Variants in PSD3 observed in about 807,000 individuals in gnomAD.
The protein encoded by PSD3 is pleckstrin and Sec7 domain containing 3, also known as PH and SEC7 domain-containing protein 3.
PSD3 carries 49 observed loss-of-function variants against 105.5 expected under a neutral mutation model. The ratio of observed to expected loss-of-function variants is 0.46; its 90% CI spans 0.37 to 0.59. PSD3 has a LOEUF of 0.59. Ranked by LOEUF, PSD3 falls within the 20% of genes least tolerant of loss-of-function variation. The pLI, the probability that PSD3 is intolerant of heterozygous loss-of-function variation, is 0.00. For synonymous variants in PSD3, 557 were observed against 457.8 expected (o/e 1.22, Z -2.77); for missense variants, 1,561 against 1,263.8 (o/e 1.24, Z -3.57).
chr8:18,578,278 C>T (rs1325334398), intron 12 of PSD3, among the ~76,000 whole-genome samples: 4 of 152,046 alleles, frequency 2.6e-5, no homozygotes, highest in Non-Finnish European at 4.4e-5. Context: ...CTTATGTAAC[C>T]ATTCACTTGG....
chr8:19,062,172 A>C (rs1828923360), intron 1 of PSD3, among the ~76,000 whole-genome samples: 1 of 152,192 alleles, frequency 6.6e-6, no homozygotes, highest in South Asian at 2.1e-4. Flanking sequence ...ATGTATTCCT[A>C]CCAATAAGCA....
intron 9 of PSD3, among the ~76,000 whole-genome samples, chr8:18,752,133 A>C (rs1563224442): frequency 6.6e-6 from 1 of 151,924 alleles, no homozygotes; most frequent in African/African-American, 2.4e-5. Context: ...GGTTGCAGTG[A>C]GCAACCATCT....
chr8:19,025,190 C>A (rs889979013), intron 1 of PSD3, among the ~76,000 whole-genome samples: 4 of 151,892 alleles, frequency 2.6e-5, no homozygotes, highest in African/African-American at 9.7e-5. Flanking sequence ...ATTACACACT[C>A]ATTAACACCC....
chr8:18,946,794 A>T (rs991048061), intron 1 of PSD3, among the ~76,000 whole-genome samples: 1 of 151,358 alleles, frequency 6.6e-6, no homozygotes, highest in African/African-American at 2.4e-5. Context: ...AATCCCAGAT[A>T]CTTGGGAGGT....
At chr8:18,984,365 C>T (rs977861895) in intron 1 of PSD3, among the ~76,000 whole-genome samples, 1 of 152,028 alleles carries the variant, frequency 6.6e-6, no homozygotes, top group Non-Finnish European at 1.5e-5. Context: ...ATGATCCTAA[C>T]ATAATGTCTT....
chr8:19,050,783 A>T (rs1828501910), intron 1 of PSD3, among the ~76,000 whole-genome samples: 2 of 152,116 alleles, frequency 1.3e-5, no homozygotes, highest in African/African-American at 4.8e-5. Context: ...ACATGTATAC[A>T]TATGTAACTA....
At chr8:19,000,368 GC>G (rs1232163474) in intron 1 of PSD3, among the ~76,000 whole-genome samples, 4 of 146,998 alleles carry the variant, frequency 2.7e-5, no homozygotes, top group Non-Finnish European at 6.0e-5. Flanking sequence ...CTGCATTCCG[GC>G]CTTGCTGACA....
At chr8:18,641,832 G>C (rs17518631) in intron 10 of PSD3, among the ~76,000 whole-genome samples, 4,228 of 152,186 alleles carry the variant, frequency 0.028, 76 homozygotes, top group Non-Finnish European at 0.044. Flanking sequence ...AGTTATCATG[G>C]GGTTTCTATT....
At chr8:18,588,790 C>G (rs1386789478) in intron 12 of PSD3, among the ~76,000 whole-genome samples, 1 of 152,184 alleles carries the variant, frequency 6.6e-6, no homozygotes, top group Non-Finnish European at 1.5e-5. Context: ...CTCAAACTCC[C>G]AATACATTTA....
At chr8:18,558,330 G>T (rs1451401818) in intron 14 of PSD3, among the ~76,000 whole-genome samples, 1 of 152,036 alleles carries the variant, frequency 6.6e-6, no homozygotes, top group East Asian at 1.9e-4. Flanking sequence ...ATAAAAGCAT[G>T]ATGTATTTTC....
chr8:18,799,260 T>A (rs1810471632), intron 8 of PSD3, 35 bp downstream of exon 8: 2 of 1,538,076 alleles, frequency 1.3e-6, no homozygotes, highest in African/African-American at 1.4e-5. Context: ...AAGCCCGACA[T>A]GTTTTGGATC....
intron 10 of PSD3, among the ~76,000 whole-genome samples, chr8:18,644,707 C>T (rs1428635352): frequency 1.3e-5 from 2 of 152,176 alleles, no homozygotes; most frequent in African/African-American, 4.8e-5. Context: ...TCATAACTGT[C>T]CCAGCTTCTG....
intron 9 of PSD3, among the ~76,000 whole-genome samples, chr8:18,730,719 T>C (rs987179841): frequency 7.2e-5 from 11 of 152,324 alleles, no homozygotes; most frequent in African/African-American, 2.2e-4. Context: ...AACAACCAAA[T>C]AGATCTCCAA....
Position 18,871,933 on chromosome 8 carries a change from C to T in PSD3, c.931G>A (p.Gly311Arg), listed in dbSNP as rs1324826385. 2.7e-5 allele frequency: 43 copies of T among 1,614,096 alleles called. No homozygotes were observed. Among genetic ancestry groups the T allele is most frequent in the Non-Finnish European group, 3.4e-5 (40 of 1,180,036 alleles). ...FQGVEILWTGGDKRETQHPID... is the reference protein window; with the variant it reads ...FQGVEILWTGRDKRETQHPID... ...GGATGCTGGGTCTCTCTCTTGTCTC[C>T]TCCTGTCCACAGTATTTCCACTCCT... Residue 311 changes from glycine (G) to arginine (R), a missense_variant, in exon 3 of 16, where the codon GGA becomes AGA. By Grantham distance (125) the Gly-to-Arg change is moderately radical. Coordinates refer to ENST00000327040, the MANE Select transcript of PSD3 (RefSeq NM_015310.4).
Position 18,825,523 on chromosome 8 carries a change from T to C in PSD3, c.1635-20625A>G, listed in dbSNP as rs1813103305. On this transcript the variant is annotated intron_variant, in intron 4 of 15. Transcript: ENST00000327040. ...TTAGAGGATAAATAATAATTAGGGA[T>C]ATGAGTGTTGAGGGGAAGAGAATCC... is the stretch of plus-strand genomic sequence containing the variant. Among the ~76,000 whole-genome samples, 2 of 152,206 alleles carry C rather than the reference T, an allele frequency of 1.3e-5. 1 individual carries two copies. Among genetic ancestry groups the C allele is most frequent in the Admixed American group, 1.3e-4 (2 of 15,278 alleles).
At chr8:18,578,575 G>A (rs552238931) in intron 12 of PSD3, among the ~76,000 whole-genome samples, 4 of 152,142 alleles carry the variant, frequency 2.6e-5, no homozygotes, top group South Asian at 4.1e-4. Flanking sequence ...TGCTACAGGT[G>A]AATAGGAAAC....
At chr8:18,585,509 G>A (rs1803112237) in intron 12 of PSD3, among the ~76,000 whole-genome samples, 1 of 151,914 alleles carries the variant, frequency 6.6e-6, no homozygotes. Context: ...GTAGAGATGG[G>A]GTTTTGACAT....
At chr8:18,673,187 AACACACACACCCATCC>A (rs1383630164) in intron 9 of PSD3, among the ~76,000 whole-genome samples, 1 of 150,590 alleles carries the variant, frequency 6.6e-6, no homozygotes, top group Non-Finnish European at 1.5e-5. Flanking sequence ...TGGTTCTCTT[AACACACACACCCATCC>A]ACACACACAC....
chr8:18,552,804 CT>C (rs1261350158), intron 15 of PSD3, among the ~76,000 whole-genome samples: 3 of 152,316 alleles, frequency 2.0e-5, no homozygotes, highest in Admixed American at 6.5e-5. Context: ...CAAACCACAG[CT>C]TGGAGGTTAC....
Sources: allele counts gnomAD v4.1 joint callset (sites outside exome capture counted in the v4.1 genomes callset), GRCh38; gene constraint gnomAD v4.1.1; transcripts MANE v1.5; gene names NCBI Gene and HGNC (gene_info 2026-07-23, HGNC 2026-07-21).